The following UNC13C variants were observed in gnomAD, a reference collection of about 807,000 sequenced individuals.
UNC13C encodes unc-13 homolog C.
UNC13C carries 174 observed loss-of-function variants against 245.4 expected under a neutral mutation model. The ratio of observed to expected loss-of-function variants is 0.71; its 90% CI spans 0.63 to 0.80. The LOEUF is 0.80. UNC13C is among the 30% of genes least tolerant of loss of function. The pLI is 0.00. For missense variants in UNC13C, 2,829 were observed against 2,602.9 expected, an observed-to-expected ratio of 1.09 and a Z score of -1.89; for synonymous variants, 992 against 895.1, an observed-to-expected ratio of 1.11 and a Z score of -1.93.
At chr15:54,179,484 A>G (rs886670843) in intron 4 of UNC13C, among the ~76,000 whole-genome samples, 2 of 152,076 alleles carry the variant, frequency 1.3e-5, no homozygotes, top group Non-Finnish European at 2.9e-5. Flanking sequence ...AATACAATAT[A>G]TACTATTAAG....
the UNC13C span, among the ~76,000 whole-genome samples, chr15:53,846,423 A>T: frequency 6.6e-6 from 1 of 152,246 alleles, no homozygotes; most frequent in African/African-American, 2.4e-5. Context: ...ATAACCAATG[A>T]GTCCATGAGA....
At chr15:53,997,752 A>AAAG (rs1894701449) in intron 1 of UNC13C, among the ~76,000 whole-genome samples, 1 of 151,918 alleles carries the variant, frequency 6.6e-6, no homozygotes, top group Non-Finnish European at 1.5e-5. Context: ...GCTGTTAGTA[A>AAAG]ATTTTGAAAT....
chr15:53,995,397 G>A (rs1044335770), intron 1 of UNC13C, among the ~76,000 whole-genome samples: 1 of 151,996 alleles, frequency 6.6e-6, no homozygotes, highest in East Asian at 1.9e-4. Flanking sequence ...AAAAAAGGCA[G>A]CCCCTCCCTC....
At chr15:53,858,513 C>T in the UNC13C span, among the ~76,000 whole-genome samples, 1 of 151,720 alleles carries the variant, frequency 6.6e-6, no homozygotes, top group African/African-American at 2.4e-5. Context: ...CTCCACCTAC[C>T]GGGTTCAAGT....
intron 2 of UNC13C, among the ~76,000 whole-genome samples, chr15:54,140,117 T>C (rs187816476): frequency 3.8e-4 from 58 of 152,282 alleles, no homozygotes; most frequent in African/African-American, 1.3e-3. Context: ...AGTGCTTCTT[T>C]TACAAAATTT....
chr15:54,546,708 T>C lies in UNC13C; in HGVS notation c.5697-14T>C. 7.0e-7 allele frequency: 1 copy of C among 1,431,472 alleles called. No individual in the cohort carries two copies. The allele number at this position is 1,431,472 out of a possible 1,614,324, so 88.7% of individuals were successfully genotyped here. On this transcript the variant is annotated splice_polypyrimidine_tract_variant and intron_variant, in intron 26 of 32. Transcript: ENST00000260323. Reference sequence around the variant, plus strand: ...AAATTTAAAAGTGAATATATATATATATTTTTTTTTCAGATTAAGTCTCTC... The same window carrying C: ...AAATTTAAAAGTGAATATATATATACATTTTTTTTTCAGATTAAGTCTCTC...
intron 10 of UNC13C, among the ~76,000 whole-genome samples, chr15:54,269,559 G>A (rs2036632248): frequency 6.6e-6 from 1 of 152,072 alleles, no homozygotes; most frequent in Non-Finnish European, 1.5e-5. Context: ...GTAATGATAA[G>A]TGCAGCCAAA....
At chr15:54,301,159 CT>C (rs977090242) in intron 13 of UNC13C, among the ~76,000 whole-genome samples, 9 of 151,866 alleles carry the variant, frequency 5.9e-5, no homozygotes, top group Non-Finnish European at 1.2e-4. Context: ...TATTAGATGA[CT>C]TTTTTCATAT....
intron 1 of UNC13C, among the ~76,000 whole-genome samples, chr15:54,011,746 C>T (rs1030492768): frequency 2.0e-5 from 3 of 151,502 alleles, no homozygotes; most frequent in Non-Finnish European, 4.4e-5. Context: ...ATCTTTTCTC[C>T]TCCTCTTCTA....
At chr15:54,133,385 T>C (rs1303468213) in intron 2 of UNC13C, among the ~76,000 whole-genome samples, 1 of 152,192 alleles carries the variant, frequency 6.6e-6, no homozygotes, top group Non-Finnish European at 1.5e-5. Context: ...TGCAGCATGG[T>C]TGAATAGAAT....
chr15:54,478,927 T>C (rs1892934683), intron 19 of UNC13C, among the ~76,000 whole-genome samples: 1 of 152,108 alleles, frequency 6.6e-6, no homozygotes, highest in Non-Finnish European at 1.5e-5. Flanking sequence ...AGTCTCCCAT[T>C]ATTAATGTGT....
intron 14 of UNC13C, among the ~76,000 whole-genome samples, chr15:54,327,352 A>T (rs1163332701): frequency 6.6e-6 from 1 of 151,874 alleles, no homozygotes; most frequent in African/African-American, 2.4e-5. Flanking sequence ...TTCTTTGATC[A>T]CGTCATATGA....
At chr15:54,593,556 T>C (rs1224850042) in intron 30 of UNC13C, among the ~76,000 whole-genome samples, 1 of 152,128 alleles carries the variant, frequency 6.6e-6, no homozygotes, top group African/African-American at 2.4e-5. Flanking sequence ...CTTTGTTGGA[T>C]TGGGTTTATT....
intron 4 of UNC13C, among the ~76,000 whole-genome samples, chr15:54,183,054 C>G (rs2033853055): frequency 6.6e-6 from 1 of 151,450 alleles, no homozygotes. Flanking sequence ...ATAGATGATT[C>G]AAGCTAGTAG....
intron 2 of UNC13C, among the ~76,000 whole-genome samples, chr15:54,026,171 A>G (rs1896100796): frequency 1.3e-5 from 2 of 152,226 alleles, no homozygotes; most frequent in African/African-American, 2.4e-5. Flanking sequence ...TTCTAGAAAC[A>G]AAATGCAAAT....
intron 12 of UNC13C, among the ~76,000 whole-genome samples, chr15:54,298,681 C>T (rs955326091): frequency 6.6e-6 from 1 of 152,094 alleles, no homozygotes; most frequent in African/African-American, 2.4e-5. Flanking sequence ...GAAGCACAGA[C>T]AAATCATCTT....
chr15:54,028,082 G>A (rs906474417), intron 2 of UNC13C, among the ~76,000 whole-genome samples: 2 of 152,178 alleles, frequency 1.3e-5, no homozygotes, highest in Non-Finnish European at 2.9e-5. Flanking sequence ...AATAGTTGCA[G>A]CTGCCCATGG....
chr15:54,004,796 G>C (rs1047107645), intron 1 of UNC13C, among the ~76,000 whole-genome samples: 1 of 152,100 alleles, frequency 6.6e-6, no homozygotes, highest in East Asian at 1.9e-4. Context: ...TTTTCCGTTT[G>C]TATATATTCT....
At chr15:54,042,591 C>A (rs575302030) in intron 2 of UNC13C, among the ~76,000 whole-genome samples, 6 of 152,076 alleles carry the variant, frequency 3.9e-5, no homozygotes, top group Non-Finnish European at 7.4e-5. Context: ...TGGTGGGTCA[C>A]GCCTGTAATC....
Sources: allele counts gnomAD v4.1 joint callset (sites outside exome capture counted in the v4.1 genomes callset), GRCh38; gene constraint gnomAD v4.1.1; transcripts MANE v1.5; gene names NCBI Gene and HGNC (gene_info 2026-07-23, HGNC 2026-07-21).